Variants in SPOCK1 observed in about 807,000 individuals in gnomAD.
SPOCK1 encodes SPARC (osteonectin), cwcv and kazal like domains proteoglycan 1.
In SPOCK1, 23 loss-of-function variants were observed where a neutral mutation model predicts 55.3. The observed-to-expected ratio is 0.42, with a 90% CI of 0.30 to 0.59. The LOEUF is 0.59. SPOCK1 is among the 20% of genes least tolerant of loss of function. The pLI is 0.22. For synonymous variants in SPOCK1, 226 were observed against 221.0 expected, an observed-to-expected ratio of 1.02 and a Z score of -0.20; for missense variants, 499 against 552.5, an observed-to-expected ratio of 0.90 and a Z score of 0.97.
intron 5 of SPOCK1, among the ~76,000 whole-genome samples, chr5:137,093,113 G>A (rs1337651317): frequency 6.6e-6 from 1 of 152,066 alleles, no homozygotes; most frequent in Non-Finnish European, 1.5e-5. Flanking sequence ...CCTCTTAAAG[G>A]CCCCACCTCT....
At chr5:137,131,990 AT>A (rs1394054234) in intron 4 of SPOCK1, among the ~76,000 whole-genome samples, 8,186 of 25,090 alleles carry the variant, frequency 0.33, 1,656 homozygotes, top group Non-Finnish European at 0.39. Context: ...AAAAAAAAAA[AT>A]ATATATATAT....
intron 2 of SPOCK1, among the ~76,000 whole-genome samples, chr5:137,288,549 A>AATACAG (rs1322833903): frequency 6.6e-6 from 1 of 152,214 alleles, no homozygotes; most frequent in Admixed American, 6.5e-5. Context: ...TTAATCAGTG[A>AATACAG]ATACAGAGAG....
intron 2 of SPOCK1, among the ~76,000 whole-genome samples, chr5:137,399,186 AAT>A (rs1751922299): frequency 6.6e-6 from 1 of 152,222 alleles, no homozygotes; most frequent in African/African-American, 2.4e-5. Flanking sequence ...AAAGTTTTGA[AAT>A]ATGTCAGCAG....
In SPOCK1 at chr5:137,356,838, T is replaced by TATATAGAGAGAG. The variant is rs1554077335; in HGVS notation, c.187-89784_187-89783insCTCTCTCTATAT. Among the ~76,000 whole-genome samples, 13 of 5,460 alleles carry TATATAGAGAGAG rather than the reference T, an allele frequency of 2.4e-3. 1 individual carries two copies. The highest frequency in any genetic ancestry group is 3.7e-3 in the Non-Finnish European group (12 of 3,238). The allele number at this position is 5,460 out of a possible 152,430, so 3.6% of individuals were successfully genotyped here. A position where few individuals can be genotyped will look rare whatever the true frequency, so the allele number is the denominator to read the frequency against. The stretch of plus-strand genomic sequence containing the variant: ...ATATATATATATATATATATATATA[T>TATATAGAGAGAG]AGAGAGAGAGAGAGAGAGAGAGAGA... On this transcript the variant is annotated intron_variant, in intron 2 of 10. Transcript: ENST00000394945.
chr5:137,032,097 A>G (rs1457945034), intron 6 of SPOCK1, among the ~76,000 whole-genome samples: 2 of 150,868 alleles, frequency 1.3e-5, no homozygotes, highest in African/African-American at 2.4e-5. Flanking sequence ...CAGGAATGCC[A>G]TTTCTTTTTT....
intron 2 of SPOCK1, among the ~76,000 whole-genome samples, chr5:137,327,522 T>G (rs1265423413): frequency 6.6e-6 from 1 of 152,162 alleles, no homozygotes; most frequent in Non-Finnish European, 1.5e-5. Context: ...GAGATACCAG[T>G]GGTTGAGACT....
intron 3 of SPOCK1, among the ~76,000 whole-genome samples, chr5:137,221,618 G>A (rs193112551): frequency 5.7e-4 from 86 of 152,094 alleles, no homozygotes; most frequent in African/African-American, 2.0e-3. Flanking sequence ...CCAATTTTAG[G>A]AACTTAACTG....
intron 3 of SPOCK1, among the ~76,000 whole-genome samples, chr5:137,203,216 G>T (rs181481892): frequency 1.3e-5 from 2 of 152,050 alleles, no homozygotes; most frequent in Non-Finnish European, 2.9e-5. Context: ...ATGAGTAATA[G>T]ATTTCAAATA....
chr5:137,140,298 A>G (rs769832408), intron 4 of SPOCK1, among the ~76,000 whole-genome samples: 15 of 152,208 alleles, frequency 9.9e-5, no homozygotes, highest in Non-Finnish European at 2.1e-4. Flanking sequence ...AAAATTCTCA[A>G]TCATGACCAA....
intron 3 of SPOCK1, among the ~76,000 whole-genome samples, chr5:137,240,993 C>G (rs917008014): frequency 6.6e-6 from 1 of 152,138 alleles, no homozygotes; most frequent in Non-Finnish European, 1.5e-5. Context: ...ACTAGTGACA[C>G]AAGGACAACT....
At chr5:137,077,485 C>G (rs984022688) in intron 5 of SPOCK1, among the ~76,000 whole-genome samples, 16 of 152,212 alleles carry the variant, frequency 1.1e-4, no homozygotes. Context: ...TCAACTGTGA[C>G]TTGTCACTAG....
intron 2 of SPOCK1, among the ~76,000 whole-genome samples, chr5:137,286,287 C>G (rs112398146): frequency 8.5e-5 from 13 of 152,188 alleles, no homozygotes; most frequent in Non-Finnish European, 1.5e-4. Flanking sequence ...TTTGGCAACT[C>G]TCTTCTCAGA....
chr5:137,215,823 G>A (rs555631751), intron 3 of SPOCK1, among the ~76,000 whole-genome samples: 2 of 152,206 alleles, frequency 1.3e-5, no homozygotes, highest in African/African-American at 4.8e-5. Context: ...GATGCATAAC[G>A]GTTCATTTCA....
rs1458425595 is a variant in SPOCK1, at chr5:136,976,019, G to A, written c.*2635C>T. 6.6e-6 allele frequency: 1 copy of A among 152,156 alleles called. No homozygotes were observed. The highest frequency in any genetic ancestry group is 1.5e-5 in the Non-Finnish European group (1 of 68,024). 9.4% of individuals were successfully genotyped at this position (152,156 alleles called of 1,614,324 possible). ...AATATTTTTATAATCAGTATTTTATGTGTACTTGGTCACTATACAAGTGAC... is the reference window on the plus strand; with the variant it reads ...AATATTTTTATAATCAGTATTTTATATGTACTTGGTCACTATACAAGTGAC... On this transcript the variant is annotated 3_prime_UTR_variant, in exon 11 of 11. Coordinates refer to ENST00000394945, the MANE Select transcript of SPOCK1 (RefSeq NM_004598.4).
At chr5:137,025,115 G>A (rs1751648123) in intron 6 of SPOCK1, among the ~76,000 whole-genome samples, 1 of 152,094 alleles carries the variant, frequency 6.6e-6, no homozygotes, top group Non-Finnish European at 1.5e-5. Context: ...GAGAAAATGG[G>A]GCATTACTAA....
intron 2 of SPOCK1, among the ~76,000 whole-genome samples, chr5:137,441,955 C>A (rs1436147982): frequency 6.6e-6 from 1 of 152,180 alleles, no homozygotes; most frequent in Non-Finnish European, 1.5e-5. Flanking sequence ...CCCAGAGCCA[C>A]CCCTAAAGGC....
chr5:136,977,842 AC>A lies in SPOCK1; in HGVS notation c.*811del. On this transcript the variant is annotated 3_prime_UTR_variant, in exon 11 of 11. Coordinates refer to ENST00000394945, the MANE Select transcript of SPOCK1 (RefSeq NM_004598.4). ...GAGCCAACTGTTAGTGCAAAAAAGGACTTTAATACAAATTTCTTATTCCAGA... is the reference window on the plus strand; with the variant it reads ...GAGCCAACTGTTAGTGCAAAAAAGGATTTAATACAAATTTCTTATTCCAGA... 1 of 398,886 alleles carries A rather than the reference AC, an allele frequency of 2.5e-6. No individual in the cohort carries two copies. Among genetic ancestry groups the A allele is most frequent in the African/African-American group, 2.1e-5 (1 of 48,742 alleles). The allele number at this position is 398,886 out of a possible 1,614,324, so 24.7% of individuals were successfully genotyped here.
chr5:137,468,301 G>T (rs924610820), intron 2 of SPOCK1, among the ~76,000 whole-genome samples: 1 of 152,170 alleles, frequency 6.6e-6, no homozygotes, highest in Non-Finnish European at 1.5e-5. Context: ...CTTTTCTTTT[G>T]ATTCCCGTGC....
At chr5:137,355,194 T>C (rs1026992948) in intron 2 of SPOCK1, among the ~76,000 whole-genome samples, 1 of 151,754 alleles carries the variant, frequency 6.6e-6, no homozygotes, top group Non-Finnish European at 1.5e-5. Context: ...AGCCACTGTA[T>C]CTGGCCTGTT....
Sources: gnomAD v4.1 joint callset for allele counts (sites outside exome capture counted in the v4.1 genomes callset) on GRCh38, gnomAD v4.1.1 for gene constraint, MANE v1.5 for transcripts, NCBI Gene and HGNC (gene_info 2026-07-23, HGNC 2026-07-21) for gene names.